SLC1A7: variants seen among roughly 807,000 people sequenced by gnomAD.
SLC1A7 encodes the protein solute carrier family 1 member 7, also known as excitatory amino acid transporter 5.
In SLC1A7, 40 loss-of-function variants were observed where a neutral mutation model predicts 47.7. The observed-to-expected ratio is 0.84, with a 90% CI of 0.65 to 1.09. The LOEUF is 1.09. SLC1A7 is among the 50% of genes least tolerant of loss of function. The pLI, the probability that SLC1A7 is intolerant of heterozygous loss-of-function variation, is 0.00. For missense variants in SLC1A7, 746 were observed against 769.5 expected (o/e 0.97, Z 0.36); for synonymous variants, 323 against 325.6 (o/e 0.99, Z 0.09).
chr1:53,095,100 C>G (rs750434164), intron 5 of SLC1A7, among the ~76,000 whole-genome samples: 1 of 152,144 alleles, frequency 6.6e-6, no homozygotes, highest in African/African-American at 2.4e-5. Context: ...GACACAGGCA[C>G]GGAAAGACCA....
At chr1:53,136,498 T>C (rs1453289543) in intron 1 of SLC1A7, among the ~76,000 whole-genome samples, 1 of 146,380 alleles carries the variant, frequency 6.8e-6, no homozygotes, top group Non-Finnish European at 1.5e-5. Context: ...CTGCCAACAA[T>C]ATATTTTTAA....
chr1:53,128,764 GA>G (rs1644909672), intron 2 of SLC1A7, among the ~76,000 whole-genome samples: 2 of 142,262 alleles, frequency 1.4e-5, no homozygotes, highest in Admixed American at 7.1e-5. Flanking sequence ...TTAGAACCAT[GA>G]AGATGGAAGA....
intron 3 of SLC1A7, chr1:53,114,453 AG>A (rs964212174): frequency 7.2e-6 from 3 of 414,094 alleles, no homozygotes; most frequent in Non-Finnish European, 1.3e-5. Context: ...AAACAAAGGG[AG>A]GGGCCAATAA....
intron 5 of SLC1A7, among the ~76,000 whole-genome samples, chr1:53,100,487 C>T (rs578158639): frequency 3.9e-4 from 56 of 143,182 alleles, no homozygotes; most frequent in African/African-American, 1.4e-3. Context: ...CACTCACAAA[C>T]GCTGCCTCGG....
chr1:53,113,876 G>A (rs1026442587), intron 3 of SLC1A7, among the ~76,000 whole-genome samples: 2 of 151,948 alleles, frequency 1.3e-5, no homozygotes, highest in Non-Finnish European at 2.9e-5. Flanking sequence ...CCCCGCAGAC[G>A]GTTCCCTGCA....
At chr1:53,141,897 C>G (rs371777631) in intron 1 of SLC1A7, among the ~76,000 whole-genome samples, 1 of 152,188 alleles carries the variant, frequency 6.6e-6, no homozygotes, top group African/African-American at 2.4e-5. Flanking sequence ...GCGCTCCGGC[C>G]GCTGCACCTG....
chr1:53,105,616 C>G (rs1288422), intron 4 of SLC1A7, 116 bp downstream of exon 4: 839,795 of 848,644 alleles, frequency 0.99, 415,971 homozygotes, highest in East Asian at 1. Context: ...CCACCTCCAG[C>G]AGACAGCGTG....
In SLC1A7 at chr1:53,090,483, T is replaced by C. The variant is rs1053011510; in HGVS notation, c.1226+129A>G. 3 of 1,378,094 alleles carry C rather than the reference T, an allele frequency of 2.2e-6. No individual in the cohort carries two copies. In the African/African-American group the frequency reaches 4.4e-5, roughly 20 times the overall value. 85.4% of individuals were successfully genotyped at this position (1,378,094 alleles called of 1,614,324 possible). A position where few individuals can be genotyped will look rare whatever the true frequency, so the allele number is the denominator to read the frequency against. On this transcript the variant is annotated intron_variant, in intron 8 of 10. Transcript: ENST00000371494. ...CCTCCAGGCTCGGAGCTCCCAGCCCTGGCCCTCTGCCTGCTGTGCTCCGAG... is the reference window on the plus strand; with the variant it reads ...CCTCCAGGCTCGGAGCTCCCAGCCCCGGCCCTCTGCCTGCTGTGCTCCGAG...
intron 2 of SLC1A7, among the ~76,000 whole-genome samples, chr1:53,121,001 T>C (rs1644814265): frequency 6.6e-6 from 1 of 152,258 alleles, no homozygotes; most frequent in African/African-American, 2.4e-5. Context: ...TGAGTGCGGA[T>C]GATGCCGGTT....
intron 3 of SLC1A7, among the ~76,000 whole-genome samples, chr1:53,107,081 G>T (rs1481981574): frequency 6.7e-6 from 1 of 150,348 alleles, no homozygotes; most frequent in Non-Finnish European, 1.5e-5. Flanking sequence ...GCTTGAACCC[G>T]GGAGGCGGAG....
intron 5 of SLC1A7, among the ~76,000 whole-genome samples, chr1:53,097,687 TAC>T (rs1195643741): frequency 6.7e-6 from 1 of 148,186 alleles, no homozygotes; most frequent in Non-Finnish European, 1.5e-5. Flanking sequence ...TCTGCCTCAG[TAC>T]ACTCATACAA....
chr1:53,140,952 G>T (rs562380082), intron 1 of SLC1A7, among the ~76,000 whole-genome samples: 2 of 152,282 alleles, frequency 1.3e-5, no homozygotes, highest in African/African-American at 4.8e-5. Context: ...GGAAGACAAA[G>T]TCTAATGCCT....
At chr1:53,140,492 G>A (rs1645046541) in intron 1 of SLC1A7, among the ~76,000 whole-genome samples, 1 of 151,916 alleles carries the variant, frequency 6.6e-6, no homozygotes, top group Non-Finnish European at 1.5e-5. Context: ...CCCATATGTT[G>A]TTCAGCAATA....
At chr1:53,094,010 C>T (rs1457323280) in intron 5 of SLC1A7, among the ~76,000 whole-genome samples, 2 of 152,196 alleles carry the variant, frequency 1.3e-5, no homozygotes, top group African/African-American at 2.4e-5. Context: ...AGGGCCTTTG[C>T]GCAAGCCGTT....
chr1:53,130,587 A>C (rs1409565367), intron 2 of SLC1A7, among the ~76,000 whole-genome samples: 1 of 147,826 alleles, frequency 6.8e-6, no homozygotes, highest in African/African-American at 2.5e-5. Flanking sequence ...TGGGGATGGG[A>C]GCACCACAGC....
At chr1:53,125,400 A>G (rs1013645427) in intron 2 of SLC1A7, among the ~76,000 whole-genome samples, 4 of 152,158 alleles carry the variant, frequency 2.6e-5, no homozygotes, top group African/African-American at 4.8e-5. Context: ...CCTCCTTGAG[A>G]ACTTGAGATC....
chr1:53,090,696 G>C lies in SLC1A7; in HGVS notation c.1142C>G (p.Thr381Ser), dbSNP rs772624859. The change falls in exon 8 of 11, where the codon ACT becomes AGT. Residue 381 changes from threonine to serine, a missense_variant. By Grantham distance (58) the Thr-to-Ser change is moderately conservative. Transcript: ENST00000371494. The stretch of plus-strand genomic sequence containing the variant: ...GGCGGCCACAGCCTCGTAGAGCGCA[G>C]TGCCGTCCATGTTGATGGTGGCACC... ...PVGATINMDG[T>S]ALYEAVAAIF... 6.2e-7 allele frequency: 1 copy of C among 1,614,100 alleles called. No individual in the cohort carries two copies.
intron 1 of SLC1A7, among the ~76,000 whole-genome samples, chr1:53,137,299 A>AAAAAAAAAAAAAAAAAAAAATG (rs71044460): frequency 1.4e-5 from 2 of 139,692 alleles, no homozygotes; most frequent in Non-Finnish European, 3.1e-5. Flanking sequence ...AAAAAAAAAA[A>AAAAAAAAAAAAAAAAAAAAATG]GTGCTCTACT....
intron 2 of SLC1A7, among the ~76,000 whole-genome samples, chr1:53,130,089 G>A (rs533696454): frequency 6.6e-6 from 1 of 152,302 alleles, no homozygotes; most frequent in South Asian, 2.1e-4. Context: ...GCGACCGTGA[G>A]GTCACTGAGC....
Sources: gnomAD v4.1 joint callset for allele counts (sites outside exome capture counted in the v4.1 genomes callset) on GRCh38, gnomAD v4.1.1 for gene constraint, MANE v1.5 for transcripts, NCBI Gene and HGNC (gene_info 2026-07-23, HGNC 2026-07-21) for gene names.